MACF1: variants seen among roughly 807,000 people sequenced by gnomAD.
MACF1 encodes microtubule-actin cross-linking factor 1.
In MACF1, 193 loss-of-function variants were observed where a neutral mutation model predicts 854.8. The observed-to-expected ratio is 0.23, with a 90% confidence interval of 0.20 to 0.25. The LOEUF (loss-of-function observed/expected upper bound fraction) is 0.25. MACF1 is among the 10% of genes least tolerant of loss of function. MACF1 has a pLI of 1.00. For synonymous variants in MACF1, 3,185 were observed against 3,226.7 expected, an observed-to-expected ratio of 0.99 and a Z score of 0.44; for missense variants, 7,722 against 8,929.1, an observed-to-expected ratio of 0.86 and a Z score of 5.45.
intron 2 of MACF1, among the ~76,000 whole-genome samples, chr1:39,110,796 A>G (rs149854261): frequency 0.016 from 2,367 of 152,278 alleles, 35 homozygotes; most frequent in Middle Eastern, 0.027. Flanking sequence ...CGTAATACAA[A>G]CCAGGGAAAT....
intron 2 of MACF1, among the ~76,000 whole-genome samples, chr1:39,165,836 C>G (rs1643876489): frequency 6.6e-6 from 1 of 152,144 alleles, no homozygotes; most frequent in South Asian, 2.1e-4. Flanking sequence ...TTTTGGACTT[C>G]TTGGTTTGAA....
upstream of MACF1, among the ~76,000 whole-genome samples, chr1:39,203,762 G>A (rs768094093): frequency 2.6e-5 from 4 of 152,066 alleles, no homozygotes; most frequent in Non-Finnish European, 5.9e-5. Context: ...CTGTGTCGTC[G>A]TATGTATCAG....
intron 85 of MACF1, among the ~76,000 whole-genome samples, 183 bp from the exon 86 acceptor site, chr1:39,451,973 G>T (rs1644350902): frequency 6.6e-6 from 1 of 152,068 alleles, no homozygotes; most frequent in South Asian, 2.1e-4. Flanking sequence ...TTCCCAAAAT[G>T]CTGGGATTAC....
chr1:39,321,490 C>T (rs929573369), intron 31 of MACF1, among the ~76,000 whole-genome samples: 2 of 152,016 alleles, frequency 1.3e-5, no homozygotes, highest in African/African-American at 2.4e-5. Flanking sequence ...AGCAGAAGGA[C>T]GTTTTAGGCA....
rs548940951 is a variant in MACF1, at chr1:39,187,065, A to G, written c.221-44117A>G. Among the ~76,000 whole-genome samples the G allele has an allele frequency of 1.5e-4, 21 of 139,332 alleles. No individual in the cohort carries two copies. The South Asian group carries it at 4.7e-3, about 31-fold the overall frequency. 91.4% of individuals were successfully genotyped at this position (139,332 alleles called of 152,430 possible). A position where few individuals can be genotyped will look rare whatever the true frequency, so the allele number is the denominator to read the frequency against. ...ATTAGGGTTTAGTTTTTTTATTCTT[A>G]CCCCCTTAACGTACACACTTTCTCT... On this transcript the variant is annotated intron_variant, in intron 2 of 93. Coordinates refer to the MACF1 transcript ENST00000361689.
intron 2 of MACF1, among the ~76,000 whole-genome samples, chr1:39,119,302 A>C (rs1449782811): frequency 3.7e-5 from 5 of 135,676 alleles, no homozygotes; most frequent in Non-Finnish European, 7.7e-5. Flanking sequence ...GGGCAACAAG[A>C]GCGAAACTCC....
At position 39,485,666 on chromosome 1, in the gene MACF1, A is replaced by G. The variant is rs988014044; in HGVS notation, c.22540A>G (p.Thr7514Ala). Reference sequence around the variant, plus strand: ...AGAGACGCAGTCTGCTTGTTCCGACACTTCAGAAAGCAGCGCTGCAGGGGG... The same window carrying G: ...AGAGACGCAGTCTGCTTGTTCCGACGCTTCAGAAAGCAGCGCTGCAGGGGG... ...LLETQSACSD[T>A]SESSAAGGQG... The change falls in exon 101 of 101, where the codon ACT becomes GCT. Residue 7514 changes from threonine (T) to alanine (A), a missense_variant. Coordinates refer to ENST00000564288, the MANE Select transcript of MACF1 (RefSeq NM_001394062.1). 1.3e-5 allele frequency: 21 copies of G among 1,614,080 alleles called. No homozygotes were observed. The highest frequency in any genetic ancestry group is 1.8e-5 in the Non-Finnish European group (21 of 1,179,998).
chr1:39,103,176 G>A, intron 2 of MACF1: 1 of 383,390 alleles, frequency 2.6e-6, no homozygotes, highest in Non-Finnish European at 5.0e-6. Context: ...CCTTCTCCCT[G>A]CAACGCCCCC....
chr1:39,084,186 C>G lies in MACF1; in HGVS notation c.-33C>G. The G allele has an allele frequency of 6.2e-7, 1 of 1,601,992 alleles. No individual in the cohort carries two copies. Among genetic ancestry groups the G allele is most frequent in the Non-Finnish European group, 8.5e-7 (1 of 1,173,790 alleles). ...CTTCAGATCACTTCTCCCTGGGCTC[C>G]CAGGCCCTCCTGCAGCAGCCCCCGC... On this transcript the variant is annotated 5_prime_UTR_variant, in exon 2 of 94. Transcript: ENST00000361689. This position sits in a 1 kb window ranked among gnomAD's most constrained non-coding sequence, Gnocchi z 5.2.
chr1:39,197,244 TAC>T (rs550189279), intron 2 of MACF1, among the ~76,000 whole-genome samples: 20 of 150,404 alleles, frequency 1.3e-4, no homozygotes, highest in Admixed American at 2.7e-4. Flanking sequence ...TATAAATATA[TAC>T]ACACACACAC....
At chr1:39,200,183 G>T (rs951503887), upstream of MACF1, among the ~76,000 whole-genome samples, 2 of 152,178 alleles carry the variant, frequency 1.3e-5, no homozygotes, top group Non-Finnish European at 1.5e-5. Flanking sequence ...AATAGCTCTT[G>T]CATGGTTAAT....
At chr1:39,299,347 C>G (rs766584070) in intron 21 of MACF1, 1 of 453,822 alleles carries the variant, frequency 2.2e-6, no homozygotes, top group Non-Finnish European at 4.4e-6. Flanking sequence ...TTACTCTCAT[C>G]GCATCTACAT....
intron 36 of MACF1, among the ~76,000 whole-genome samples, chr1:39,329,478 C>T (rs1281094360): frequency 6.6e-6 from 1 of 152,154 alleles, no homozygotes. Context: ...GACAATGGAT[C>T]AGCTCTTACA....
chr1:39,386,753 C>A (rs921067366), intron 57 of MACF1, among the ~76,000 whole-genome samples: 1 of 151,246 alleles, frequency 6.6e-6, no homozygotes, highest in African/African-American at 2.4e-5. Context: ...TTAGTAGAGA[C>A]GAGGTCTTGC....
chr1:39,208,276 A>G (rs1644476386), intron 1 of MACF1, among the ~76,000 whole-genome samples: 1 of 151,504 alleles, frequency 6.6e-6, no homozygotes, highest in African/African-American at 2.4e-5. Context: ...TCACAGCTCT[A>G]CTAATGGATG....
At chr1:39,411,929 T>C (rs750291651) in intron 58 of MACF1, 3 of 1,613,964 alleles carry the variant, frequency 1.9e-6, no homozygotes, top group African/African-American at 2.7e-5. Flanking sequence ...GTGGAACTTA[T>C]TGCCCACGTT....
intron 56 of MACF1, among the ~76,000 whole-genome samples, chr1:39,383,903 T>A (rs961275568): frequency 7.9e-5 from 12 of 152,042 alleles, no homozygotes; most frequent in Admixed American, 2.6e-4. Flanking sequence ...CATTGTTTTA[T>A]GTCTTTGCAA....
At position 39,334,202 on chromosome 1, in the gene MACF1, T is replaced by C. The variant is rs767104820; in HGVS notation, c.7614T>C (p.Val2538=). The C allele has an allele frequency of 1.9e-6, 3 of 1,614,032 alleles. No individual in the cohort carries two copies. The African/African-American group carries it at 4.0e-5, about 22-fold the overall frequency. The change falls in exon 37 of 101, where the codon GTT becomes GTC. Residue 2538 remains valine, a synonymous_variant. Coordinates refer to ENST00000564288, the MANE Select transcript of MACF1 (RefSeq NM_001394062.1). The part of the protein sequence containing the change: ...GEDLAEKLKR[V]ENLNIHQIFN... ...ATTTAGCCGAGAAACTCAAAAGAGT[T>C]GAGAACTTAAACATCCATCAGATTT...
intron 58 of MACF1, among the ~76,000 whole-genome samples, chr1:39,397,520 C>T (rs1290642840): frequency 6.6e-6 from 1 of 151,904 alleles, no homozygotes; most frequent in African/African-American, 2.4e-5. Flanking sequence ...TGAGATCATG[C>T]CATTGCGCTC....
Sources: gnomAD v4.1 joint callset for allele counts (sites outside exome capture counted in the v4.1 genomes callset) on GRCh38, gnomAD v4.1.1 for gene constraint, Gnocchi (gnomAD v3.1) non-coding constraint, MANE v1.5 for transcripts, NCBI Gene and HGNC (gene_info 2026-07-23, HGNC 2026-07-21) for gene names.